The following RNLS variants were observed in gnomAD, a reference collection of about 807,000 sequenced individuals.
RNLS encodes the protein renalase, FAD dependent amine oxidase.
Under a neutral mutation model 39.8 loss-of-function variants are expected in RNLS, and 39 were observed. The observed-to-expected ratio is 0.98, with a 90% confidence interval of 0.76 to 1.28. The LOEUF is 1.28. Among genes scored for constraint, RNLS ranks in the 50% most tolerant of loss-of-function variants. The probability of loss-of-function intolerance (pLI) is 0.00; values close to 1 mark genes in which losing one functional copy is unlikely to be tolerated. For synonymous variants in RNLS, 147 were observed against 150.7 expected (o/e 0.98, Z 0.18); for missense variants, 410 against 413.3 (o/e 0.99, Z 0.07).
At chr10:88,526,246 C>T (rs775947941) in intron 4 of RNLS, among the ~76,000 whole-genome samples, 1 of 151,144 alleles carries the variant, frequency 6.6e-6, no homozygotes, top group Non-Finnish European at 1.5e-5. Flanking sequence ...ATCTTTAACA[C>T]ATTTAGAAAT....
At chr10:88,414,205 T>C (rs1853872910) in intron 4 of RNLS, among the ~76,000 whole-genome samples, 1 of 149,510 alleles carries the variant, frequency 6.7e-6, no homozygotes, top group Non-Finnish European at 1.5e-5. Flanking sequence ...AAGAGTATAA[T>C]AAAAACAGGC....
chr10:88,264,492 G>T, the RNLS span, among the ~76,000 whole-genome samples: 71,073 of 149,596 alleles, frequency 0.48, 18,402 homozygotes, highest in Middle Eastern at 0.58. Flanking sequence ...ATTATTTTTT[G>T]ATTTTTTGAT....
chr10:88,203,129 C>T, the RNLS span, among the ~76,000 whole-genome samples: 2 of 150,456 alleles, frequency 1.3e-5, no homozygotes, highest in Non-Finnish European at 3.0e-5. Context: ...AAAAGAAAAT[C>T]CACCTGTGTA....
the RNLS span, among the ~76,000 whole-genome samples, chr10:88,266,965 C>G: frequency 2.0e-5 from 3 of 152,150 alleles, no homozygotes; most frequent in Non-Finnish European, 4.4e-5. Flanking sequence ...GAGGTCATCT[C>G]AAATTTGAAT....
the RNLS span, among the ~76,000 whole-genome samples, chr10:88,171,730 A>G: frequency 1.3e-5 from 2 of 152,200 alleles, no homozygotes; most frequent in Non-Finnish European, 2.9e-5. Context: ...GAAAATATAC[A>G]ATGAATTATT....
chr10:88,570,966 T>TG (rs1849785923), intron 4 of RNLS, among the ~76,000 whole-genome samples: 1 of 111,742 alleles, frequency 8.9e-6, no homozygotes, highest in South Asian at 3.4e-4. Context: ...GTATATTCTT[T>TG]TTTTTTTTTT....
intron 4 of RNLS, among the ~76,000 whole-genome samples, chr10:88,422,801 T>C (rs752838112): frequency 3.3e-5 from 5 of 152,038 alleles, no homozygotes; most frequent in African/African-American, 4.8e-5. Flanking sequence ...CTGTCATCCA[T>C]GGTGGAATGC....
At chr10:88,333,682 TG>T (rs1847281498) in intron 5 of RNLS, among the ~76,000 whole-genome samples, 1 of 152,202 alleles carries the variant, frequency 6.6e-6, no homozygotes. Context: ...ACATTTATTC[TG>T]TTATGGTCTG....
At chr10:88,421,173 A>G (rs1216077990) in intron 4 of RNLS, among the ~76,000 whole-genome samples, 1 of 152,186 alleles carries the variant, frequency 6.6e-6, no homozygotes, top group Admixed American at 6.5e-5. Context: ...CTTTCTGCCA[A>G]GGGTCCTCCC....
intron 5 of RNLS, among the ~76,000 whole-genome samples, chr10:88,332,069 C>A (rs560749504): frequency 3.3e-5 from 5 of 152,208 alleles, no homozygotes; most frequent in Non-Finnish European, 7.3e-5. Context: ...TCCTTGGCTG[C>A]GTGTCTACTG....
chr10:88,498,254 G>A (rs908229355), intron 4 of RNLS, among the ~76,000 whole-genome samples: 1 of 151,462 alleles, frequency 6.6e-6, no homozygotes, highest in Non-Finnish European at 1.5e-5. Context: ...TACTGAGAAG[G>A]ACACAATTTA....
At chr10:88,393,267 T>A (rs1834092506) in intron 4 of RNLS, among the ~76,000 whole-genome samples, 1 of 151,966 alleles carries the variant, frequency 6.6e-6, no homozygotes. Flanking sequence ...TGTTTGCAGA[T>A]GACATGATTG....
At chr10:88,546,522 T>G (rs1848321405) in intron 4 of RNLS, among the ~76,000 whole-genome samples, 1 of 152,166 alleles carries the variant, frequency 6.6e-6, no homozygotes, top group Non-Finnish European at 1.5e-5. Flanking sequence ...GTTTTGCCCT[T>G]TGTGCTTATT....
chr10:88,514,552 T>A (rs566105264), intron 4 of RNLS, among the ~76,000 whole-genome samples: 1 of 152,250 alleles, frequency 6.6e-6, no homozygotes, highest in East Asian at 1.9e-4. Flanking sequence ...TTATACACAC[T>A]GAACAGTAAC....
chr10:88,469,071 C>A (rs1001434218), intron 4 of RNLS, among the ~76,000 whole-genome samples: 2 of 151,790 alleles, frequency 1.3e-5, no homozygotes, highest in Admixed American at 6.6e-5. Context: ...TACATATATA[C>A]CATATTTATT....
intron 4 of RNLS, among the ~76,000 whole-genome samples, chr10:88,425,769 T>G (rs1400997712): frequency 6.6e-6 from 1 of 152,034 alleles, no homozygotes; most frequent in East Asian, 1.9e-4. Flanking sequence ...GTGAAATGAC[T>G]TACACTTAGG....
intron 4 of RNLS, among the ~76,000 whole-genome samples, chr10:88,449,747 T>A (rs966160365): frequency 6.6e-6 from 1 of 152,170 alleles, no homozygotes. Flanking sequence ...CAAGGCCATA[T>A]AATTAAAAGT....
chr10:88,509,780 T>C (rs1846001733), intron 4 of RNLS, among the ~76,000 whole-genome samples: 2 of 151,990 alleles, frequency 1.3e-5, no homozygotes, highest in African/African-American at 4.8e-5. Context: ...TAAAGAAAGA[T>C]TAAGGAAAGA....
chr10:88,418,191 T>C (rs556684936), intron 4 of RNLS, among the ~76,000 whole-genome samples: 2 of 152,222 alleles, frequency 1.3e-5, no homozygotes, highest in Admixed American at 6.5e-5. Context: ...CATGCCTATA[T>C]GTGCTAAATG....
Sources: gnomAD v4.1 joint callset for allele counts (sites outside exome capture counted in the v4.1 genomes callset) on GRCh38, gnomAD v4.1.1 for gene constraint, MANE v1.5 for transcripts, NCBI Gene and HGNC (gene_info 2026-07-23, HGNC 2026-07-21) for gene names.